The following RTL9 variants were observed in gnomAD, a reference collection of about 807,000 sequenced individuals.
RTL9 encodes retrotransposon Gag-like protein 9.
RTL9 carries 19 observed loss-of-function variants against 44.7 expected under a neutral mutation model. That is an observed-to-expected ratio of 0.42 (90% CI 0.30 to 0.62). RTL9 has a LOEUF of 0.62. Ranked by LOEUF, RTL9 falls within the 20% of genes least tolerant of loss-of-function variation. RTL9 has a pLI of 0.16. For synonymous variants in RTL9, 407 were observed against 398.9 expected (o/e 1.02, Z -0.24); for missense variants, 1,105 against 1,080.6 (o/e 1.02, Z -0.32).
chrX:110,381,888 A>G (rs1018778089), intron 1 of RTL9, among the ~76,000 whole-genome samples: 38 of 111,344 alleles, frequency 3.4e-4, no homozygotes, highest in African/African-American at 1.2e-3. Flanking sequence ...AGATGAGAAC[A>G]ATAGACATTA....
intron 1 of RTL9, among the ~76,000 whole-genome samples, chrX:110,373,682 G>A (rs966415758): frequency 1.8e-5 from 2 of 112,038 alleles, no homozygotes; most frequent in South Asian, 3.7e-4. Flanking sequence ...TCATCTTTTT[G>A]TAGCCCTCAT....
chrX:110,436,192 G>A (rs957159258), intron 1 of RTL9, among the ~76,000 whole-genome samples: 2 of 112,083 alleles, frequency 1.8e-5, no homozygotes, highest in Non-Finnish European at 3.8e-5. Flanking sequence ...TAGAGCTGCT[G>A]CTTGGACAAG....
chrX:110,453,449 G>A, exon 1 of RTL9: 1 of 1,209,230 alleles, frequency 8.3e-7, no homozygotes, highest in Admixed American at 2.2e-5. Context: ...CAACAGCCAT[G>A]GTCTCTGGAG....
chrX:110,414,535 C>T (rs1203015405), upstream of RTL9, among the ~76,000 whole-genome samples: 1 of 113,170 alleles, frequency 8.8e-6, no homozygotes, highest in African/African-American at 3.2e-5. Context: ...AAGGGCAATA[C>T]TCTTGTTATT....
At position 110,394,415 on chromosome X, in the gene RTL9, C is replaced by T. The variant is rs1330733411; in HGVS notation, c.-168+35499C>T. Among the ~76,000 whole-genome samples the T allele has an allele frequency of 5.2e-4, 58 of 111,451 alleles. 4 individuals are homozygous for T. The highest frequency in any genetic ancestry group is 3.8e-5 in the Non-Finnish European group (2 of 53,062). On this transcript the variant is annotated intron_variant, in intron 1 of 2. Coordinates refer to the RTL9 transcript ENST00000520821. The stretch of plus-strand genomic sequence containing the variant: ...TACAGACGTGTGCCACCATGCCTGG[C>T]TAAATTTTTGTATTTTTAGTAGAGA...
chrX:110,450,767 A>G lies in RTL9; in HGVS notation c.150A>G (p.Ile50Met), dbSNP rs79219036. The stretch of plus-strand genomic sequence containing the variant: ...TGCATTCTCATGTACAGTTGCCTAT[A>G]GTCTCAACTTCAGCCTCAGACCCTG... Residue 50 changes from isoleucine to methionine, a missense_variant, in exon 1 of 2, where the codon ATA (isoleucine) becomes ATG (methionine). Transcript: ENST00000540313. 7.8e-4 allele frequency: 938 copies of G among 1,210,086 alleles called. 6 individuals are homozygous for G. The African/African-American group carries it at 0.014, about 17-fold the overall frequency.
chrX:110,450,469 A>G (rs1474423499), upstream of RTL9: 2 of 493,652 alleles, frequency 4.1e-6, no homozygotes, highest in Admixed American at 3.2e-5. Context: ...CATATACCTG[A>G]CAACGCATAA....
intron 1 of RTL9, among the ~76,000 whole-genome samples, chrX:110,435,533 C>T (rs1358511373): frequency 8.9e-6 from 1 of 112,180 alleles, no homozygotes; most frequent in African/African-American, 3.2e-5. Flanking sequence ...ATCCCCAAAT[C>T]TATAGCAACA....
chrX:110,372,900 T>C (rs988682957), intron 1 of RTL9, among the ~76,000 whole-genome samples: 2 of 111,901 alleles, frequency 1.8e-5, no homozygotes, highest in Admixed American at 1.9e-4. Context: ...AGAATTGAGT[T>C]AGAATTGTGC....
At chrX:110,444,282 T>C (rs1437503323) in intron 1 of RTL9, among the ~76,000 whole-genome samples, 1 of 112,868 alleles carries the variant, frequency 8.9e-6, no homozygotes, top group Admixed American at 9.3e-5. Flanking sequence ...GTGGATACTT[T>C]ATCTGTGTTA....
intron 1 of RTL9, among the ~76,000 whole-genome samples, chrX:110,440,503 G>A: frequency 8.9e-6 from 1 of 111,881 alleles, no homozygotes; most frequent in Non-Finnish European, 1.9e-5. Context: ...TTGGGTCACG[G>A]CCTGCCTTCT....
exon 1 of RTL9, chrX:110,452,289 G>A (rs1401411923): frequency 8.3e-7 from 1 of 1,211,617 alleles, no homozygotes; most frequent in Non-Finnish European, 1.1e-6. Flanking sequence ...GAGAACCATG[G>A]CCTCAGGATT....
chrX:110,434,044 C>T (rs750118413), intron 1 of RTL9, among the ~76,000 whole-genome samples: 5 of 111,312 alleles, frequency 4.5e-5, no homozygotes, highest in Middle Eastern at 4.6e-3. Flanking sequence ...GAAGTCTCCA[C>T]GAATGAAGGA....
intron 1 of RTL9, among the ~76,000 whole-genome samples, chrX:110,413,657 G>C (rs181691662): frequency 4.1e-4 from 45 of 109,073 alleles, no homozygotes; most frequent in Non-Finnish European, 2.1e-4. Context: ...GCCTTACCAT[G>C]CTTCATCATC....
intron 1 of RTL9, among the ~76,000 whole-genome samples, chrX:110,421,164 C>T (rs561379395): frequency 1.8e-5 from 2 of 112,554 alleles, no homozygotes; most frequent in African/African-American, 3.2e-5. Flanking sequence ...AAATGGATCA[C>T]TCTGATGTAT....
intron 1 of RTL9, among the ~76,000 whole-genome samples, chrX:110,426,002 G>GCACACA (rs201141674): frequency 4.7e-5 from 5 of 107,493 alleles, no homozygotes; most frequent in African/African-American, 1.7e-4. Flanking sequence ...ACACACAAAC[G>GCACACA]CACACACACA....
At chrX:110,440,510 T>C (rs1401774523) in intron 1 of RTL9, among the ~76,000 whole-genome samples, 3 of 111,900 alleles carry the variant, frequency 2.7e-5, no homozygotes, top group Non-Finnish European at 5.6e-5. Flanking sequence ...ACGGCCTGCC[T>C]TCTTGTTTCC....
upstream of RTL9, among the ~76,000 whole-genome samples, chrX:110,448,761 TCTTA>T (rs1199528277): frequency 9.1e-6 from 1 of 109,689 alleles, no homozygotes; most frequent in African/African-American, 3.3e-5. Flanking sequence ...TGGTACTGGG[TCTTA>T]CTTTAATGAA....
chrX:110,374,598 A>T (rs2068362717), intron 1 of RTL9, among the ~76,000 whole-genome samples: 1 of 112,102 alleles, frequency 8.9e-6, no homozygotes, highest in Non-Finnish European at 1.9e-5. Context: ...AATCTTTAAA[A>T]CTTAGAAGTA....
Sources: allele counts gnomAD v4.1 joint callset (sites outside exome capture counted in the v4.1 genomes callset), GRCh38; gene constraint gnomAD v4.1.1; transcripts MANE v1.5; gene names NCBI Gene and HGNC (gene_info 2026-07-23, HGNC 2026-07-21).